Variants in MYO16 observed in about 807,000 individuals in gnomAD.
MYO16 encodes the protein unconventional myosin-XVI.
In MYO16, 94 loss-of-function variants were observed where a neutral mutation model predicts 205.3. The observed-to-expected ratio is 0.46, with a 90% CI of 0.39 to 0.54. The LOEUF (loss-of-function observed/expected upper bound fraction) is 0.54, where lower values mean the gene tolerates loss of function less well. MYO16 is among the 20% of genes least tolerant of loss of function. The pLI, the probability that MYO16 is intolerant of heterozygous loss-of-function variation, is 0.00. For synonymous variants in MYO16, 988 were observed against 954.0 expected (o/e 1.04, Z -0.66); for missense variants, 2,315 against 2,387.5 (o/e 0.97, Z 0.63).
At chr13:108,574,888 A>G in the MYO16 span, among the ~76,000 whole-genome samples, 1 of 152,140 alleles carries the variant, frequency 6.6e-6, no homozygotes, top group South Asian at 2.1e-4. Context: ...GTTCTATTAT[A>G]AGGTGTACTG....
chr13:108,874,246 G>A (rs1214951496), intron 12 of MYO16, among the ~76,000 whole-genome samples: 1 of 151,962 alleles, frequency 6.6e-6, no homozygotes, highest in East Asian at 1.9e-4. Flanking sequence ...AAATGTGATC[G>A]GGGCAAATCT....
intron 6 of MYO16, among the ~76,000 whole-genome samples, chr13:108,799,762 A>G (rs971383692): frequency 3.9e-5 from 6 of 152,164 alleles, no homozygotes; most frequent in African/African-American, 1.4e-4. Flanking sequence ...GTGCTGTACC[A>G]GGTTGGGAAG....
At position 109,206,595 on chromosome 13, in the gene MYO16, T is replaced by C; in HGVS notation, c.5416-14T>C. On this transcript the variant is annotated splice_polypyrimidine_tract_variant and intron_variant, in intron 34 of 34. Transcript: ENST00000457511. ...TGGTGCTACCTGTTTTTTCTGCCCC[T>C]CTTCCTCCCACAGGTAATCCATCAG... 6.3e-7 allele frequency: 1 copy of C among 1,599,972 alleles called. No individual in the cohort carries two copies. Among genetic ancestry groups the C allele is most frequent in the Non-Finnish European group, 8.6e-7 (1 of 1,168,800 alleles).
chr13:108,645,458 A>G (rs1175638671), intron 1 of MYO16, among the ~76,000 whole-genome samples: 1 of 152,132 alleles, frequency 6.6e-6, no homozygotes, highest in East Asian at 1.9e-4. Context: ...AAAGGCTCTC[A>G]ATGTGATTCC....
the MYO16 span, among the ~76,000 whole-genome samples, chr13:108,554,247 GAA>G: frequency 2.0e-5 from 3 of 147,394 alleles, no homozygotes; most frequent in South Asian, 2.1e-4. Context: ...CTTAAAAAAA[GAA>G]AAAAAAAAAG....
intron 27 of MYO16, among the ~76,000 whole-genome samples, chr13:109,077,916 G>T (rs1278216396): frequency 1.3e-5 from 2 of 151,732 alleles, no homozygotes; most frequent in Non-Finnish European, 2.9e-5. Context: ...CTGTGTATTA[G>T]GTATTTGAAG....
At chr13:108,802,584 A>T (rs1886999717) in intron 6 of MYO16, among the ~76,000 whole-genome samples, 1 of 152,162 alleles carries the variant, frequency 6.6e-6, no homozygotes, top group African/African-American at 2.4e-5. Context: ...ATTCCTTAGG[A>T]TATATACCAG....
At chr13:109,085,177 A>G (rs1424566528) in intron 27 of MYO16, among the ~76,000 whole-genome samples, 1 of 152,142 alleles carries the variant, frequency 6.6e-6, no homozygotes, top group African/African-American at 2.4e-5. Flanking sequence ...CTGGTGCCAA[A>G]CTAAAAGCTA....
chr13:109,053,886 G>C (rs1238358171), intron 25 of MYO16, among the ~76,000 whole-genome samples: 1 of 151,932 alleles, frequency 6.6e-6, no homozygotes, highest in Admixed American at 6.6e-5. Flanking sequence ...TTCATTTTAC[G>C]TTCACTTGTC....
chr13:108,835,613 GT>G (rs1370004107), intron 9 of MYO16, among the ~76,000 whole-genome samples: 1 of 152,196 alleles, frequency 6.6e-6, no homozygotes, highest in African/African-American at 2.4e-5. Flanking sequence ...ATGAGGGAAA[GT>G]TTGGAACTTC....
At chr13:109,108,600 GC>G in intron 28 of MYO16, among the ~76,000 whole-genome samples, 1 of 152,200 alleles carries the variant, frequency 6.6e-6, no homozygotes, top group Non-Finnish European at 1.5e-5. Context: ...CAAGGCAATT[GC>G]GATGGCTCAC....
intron 22 of MYO16, among the ~76,000 whole-genome samples, chr13:109,015,674 C>T (rs1246619635): frequency 2.0e-5 from 3 of 152,156 alleles, no homozygotes; most frequent in African/African-American, 7.2e-5. Flanking sequence ...TCAGCTTCTT[C>T]CTGGTTTAGT....
the MYO16 span, among the ~76,000 whole-genome samples, chr13:108,572,429 G>T: frequency 6.6e-6 from 1 of 152,118 alleles, no homozygotes; most frequent in Non-Finnish European, 1.5e-5. Context: ...ATTATAATAA[G>T]TAAAGCATGG....
At chr13:108,880,524 G>T (rs914159680) in intron 12 of MYO16, among the ~76,000 whole-genome samples, 5 of 152,056 alleles carry the variant, frequency 3.3e-5, no homozygotes, top group South Asian at 2.1e-4. Flanking sequence ...TAATCCATCT[G>T]GAATTAATTT....
At chr13:108,646,056 C>G (rs773226288) in intron 1 of MYO16, among the ~76,000 whole-genome samples, 3 of 152,178 alleles carry the variant, frequency 2.0e-5, no homozygotes, top group Non-Finnish European at 4.4e-5. Context: ...TGTAGGTGAC[C>G]CCTGTCCTCT....
chr13:108,855,310 C>A, intron 10 of MYO16, 133 bp from the exon 11 acceptor site: 30 of 339,208 alleles, frequency 8.8e-5, no homozygotes, highest in Admixed American at 9.1e-5. Flanking sequence ...TGAACCATTT[C>A]ATCTCTTAAT....
intron 21 of MYO16, among the ~76,000 whole-genome samples, chr13:108,993,478 G>A (rs932655538): frequency 6.6e-6 from 1 of 152,008 alleles, no homozygotes; most frequent in Non-Finnish European, 1.5e-5. Flanking sequence ...TTAAAAATTG[G>A]CCAATTTTAT....
At chr13:108,911,421 G>A (rs1028896706) in intron 16 of MYO16, among the ~76,000 whole-genome samples, 1 of 152,084 alleles carries the variant, frequency 6.6e-6, no homozygotes, top group African/African-American at 2.4e-5. Context: ...TAGTACCTGT[G>A]GTAGAGACAC....
the MYO16 span, among the ~76,000 whole-genome samples, chr13:108,549,770 AAAAT>A: frequency 4.6e-5 from 7 of 152,184 alleles, no homozygotes; most frequent in Non-Finnish European, 8.8e-5. Flanking sequence ...GAGAAAAAGA[AAAAT>A]AAATACCCAG....
Sources: allele counts gnomAD v4.1 joint callset (sites outside exome capture counted in the v4.1 genomes callset), GRCh38; gene constraint gnomAD v4.1.1; transcripts MANE v1.5; gene names NCBI Gene and HGNC (gene_info 2026-07-23, HGNC 2026-07-21).